The following TNFSF4 variants were observed in gnomAD, a reference collection of about 807,000 sequenced individuals.
TNFSF4 encodes TNF superfamily member 4, also known as tumor necrosis factor ligand superfamily member 4.
Under a neutral mutation model 7.3 loss-of-function variants are expected in TNFSF4, and 4 were observed. The observed-to-expected ratio is 0.55, with a 90% confidence interval of 0.27 to 1.25. The LOEUF is 1.25. Among genes scored for constraint, TNFSF4 ranks in the 50% most tolerant of loss-of-function variants. The pLI, the probability that TNFSF4 is intolerant of heterozygous loss-of-function variation, is 0.12. For synonymous variants in TNFSF4, 76 were observed against 83.7 expected, an observed-to-expected ratio of 0.91 and a Z score of 0.50; for missense variants, 181 against 208.8, an observed-to-expected ratio of 0.87 and a Z score of 0.82.
At chr1:173,341,885 C>G in the TNFSF4 span, among the ~76,000 whole-genome samples, 1 of 152,164 alleles carries the variant, frequency 6.6e-6, no homozygotes, top group Admixed American at 6.5e-5. Context: ...CCAAGTCCAG[C>G]ATCCTGAAGA....
the TNFSF4 span, among the ~76,000 whole-genome samples, chr1:173,267,478 A>T: frequency 6.6e-6 from 1 of 152,186 alleles, no homozygotes; most frequent in Non-Finnish European, 1.5e-5. Flanking sequence ...GCTCTATTGT[A>T]TGTGTGATAG....
At chr1:173,259,317 A>G in the TNFSF4 span, among the ~76,000 whole-genome samples, 2 of 129,174 alleles carry the variant, frequency 1.5e-5, no homozygotes, top group African/African-American at 5.4e-5. Flanking sequence ...TCAACAAAAA[A>G]GACCCCAAAA....
chr1:173,181,343 T>C (rs1053062658), downstream of TNFSF4, among the ~76,000 whole-genome samples: 1 of 152,162 alleles, frequency 6.6e-6, no homozygotes, highest in African/African-American at 2.4e-5. Context: ...ATCGTATAAA[T>C]CAGGAGAAAA....
the TNFSF4 span, among the ~76,000 whole-genome samples, chr1:173,233,623 G>C: frequency 6.6e-6 from 1 of 152,204 alleles, no homozygotes; most frequent in Non-Finnish European, 1.5e-5. Context: ...GCATTCAATT[G>C]TAAGTTTTAG....
chr1:173,188,479 C>A (rs1191400148), intron 2 of TNFSF4, 42 bp downstream of exon 2: 1 of 1,475,368 alleles, frequency 6.8e-7, no homozygotes, highest in South Asian at 1.2e-5. Context: ...AGAGAAGATT[C>A]TTTCAAAAAT....
the TNFSF4 span, among the ~76,000 whole-genome samples, chr1:173,392,786 A>G: frequency 6.6e-6 from 1 of 152,200 alleles, no homozygotes; most frequent in East Asian, 1.9e-4. Flanking sequence ...GAAAAGCCTT[A>G]TATTTAGTAT....
At chr1:173,427,883 A>G in the TNFSF4 span, among the ~76,000 whole-genome samples, 6 of 152,124 alleles carry the variant, frequency 3.9e-5, no homozygotes, top group East Asian at 3.9e-4. Context: ...TAGAAAAGGT[A>G]ATGTGTTGTG....
the TNFSF4 span, among the ~76,000 whole-genome samples, chr1:173,308,305 GTGTGTGTC>G: frequency 3.1e-4 from 46 of 150,166 alleles, no homozygotes; most frequent in Admixed American, 9.9e-4. Flanking sequence ...GTGTGTGTGT[GTGTGTGTC>G]TGTGTGTGTG....
the TNFSF4 span, among the ~76,000 whole-genome samples, chr1:173,262,060 A>G: frequency 6.6e-6 from 1 of 152,360 alleles, no homozygotes; most frequent in African/African-American, 2.4e-5. Context: ...TCCCTGATGA[A>G]CATCGATGCA....
the TNFSF4 span, among the ~76,000 whole-genome samples, chr1:173,270,429 G>C: frequency 6.6e-6 from 1 of 152,086 alleles, no homozygotes; most frequent in Non-Finnish European, 1.5e-5. Flanking sequence ...TTAGTAAGCA[G>C]AAGGTTGAGG....
At chr1:173,357,192 G>A in the TNFSF4 span, among the ~76,000 whole-genome samples, 1 of 152,192 alleles carries the variant, frequency 6.6e-6, no homozygotes, top group Non-Finnish European at 1.5e-5. Context: ...AGCCTATGTT[G>A]TTTTAATAGC....
At chr1:173,223,924 A>G in the TNFSF4 span, among the ~76,000 whole-genome samples, 1 of 152,162 alleles carries the variant, frequency 6.6e-6, no homozygotes, top group Admixed American at 6.5e-5. Context: ...CCAGATGATG[A>G]AGAAGACATA....
At chr1:173,187,867 A>G (rs982090389) in intron 2 of TNFSF4, among the ~76,000 whole-genome samples, 2 of 152,192 alleles carry the variant, frequency 1.3e-5, no homozygotes, top group African/African-American at 4.8e-5. Flanking sequence ...TTGTTAGGCA[A>G]AAGAATAGGT....
At chr1:173,302,059 C>T in the TNFSF4 span, among the ~76,000 whole-genome samples, 5 of 151,776 alleles carry the variant, frequency 3.3e-5, no homozygotes, top group African/African-American at 4.8e-5. Context: ...ACTTTTTAAA[C>T]GGCCTTTAAT....
intron 1 of TNFSF4, chr1:173,205,639 A>G (rs1054152575): frequency 2.2e-5 from 22 of 1,018,904 alleles, no homozygotes; most frequent in Admixed American, 5.0e-5. Context: ...TGGTGAATGC[A>G]CTCAGCTGTT....
At chr1:173,224,204 G>T in the TNFSF4 span, among the ~76,000 whole-genome samples, 1 of 152,196 alleles carries the variant, frequency 6.6e-6, no homozygotes, top group Non-Finnish European at 1.5e-5. Flanking sequence ...AGTGTCCATT[G>T]CCCTATTCCA....
the TNFSF4 span, among the ~76,000 whole-genome samples, chr1:173,240,455 C>T: frequency 6.6e-6 from 1 of 152,182 alleles, no homozygotes; most frequent in Non-Finnish European, 1.5e-5. Flanking sequence ...TAAGTGCTAT[C>T]CTGTTTCTCA....
chr1:173,421,789 A>G, the TNFSF4 span, among the ~76,000 whole-genome samples: 1 of 152,196 alleles, frequency 6.6e-6, no homozygotes, highest in African/African-American at 2.4e-5. Context: ...GTCCATCCCA[A>G]TTTGTTCTTC....
At chr1:173,386,044 C>G in the TNFSF4 span, among the ~76,000 whole-genome samples, 1 of 152,056 alleles carries the variant, frequency 6.6e-6, no homozygotes, top group Non-Finnish European at 1.5e-5. Context: ...GAAAAAGGAC[C>G]CCAAGGGCAT....
Sources: gnomAD v4.1 joint callset for allele counts (sites outside exome capture counted in the v4.1 genomes callset) on GRCh38, gnomAD v4.1.1 for gene constraint, MANE v1.5 for transcripts, NCBI Gene and HGNC (gene_info 2026-07-23, HGNC 2026-07-21) for gene names.